The following LMOD1 variants were observed in gnomAD, a reference collection of about 807,000 sequenced individuals.
The protein encoded by LMOD1 is leiomodin 1.
LMOD1 carries 8 observed loss-of-function variants against 36.5 expected under a neutral mutation model. That is an observed-to-expected ratio of 0.22 (90% CI 0.13 to 0.40). The LOEUF (loss-of-function observed/expected upper bound fraction) is 0.40. Among genes scored for constraint, LMOD1 ranks in the 10% least tolerant of loss-of-function variants. The pLI is 1.00. For missense variants in LMOD1, 630 were observed against 751.1 expected (o/e 0.84, Z 1.88); for synonymous variants, 284 against 288.7 (o/e 0.98, Z 0.17).
At chr1:201,915,153 G>C (rs190441318) in intron 1 of LMOD1, among the ~76,000 whole-genome samples, 1 of 152,090 alleles carries the variant, frequency 6.6e-6, no homozygotes, top group Non-Finnish European at 1.5e-5. Flanking sequence ...CCTTCAAAAC[G>C]CTTCCCCATC....
intron 1 of LMOD1, among the ~76,000 whole-genome samples, chr1:201,921,724 G>A (rs1257484699): frequency 6.6e-6 from 1 of 151,888 alleles, no homozygotes; most frequent in Non-Finnish European, 1.5e-5. Context: ...ACTTTGGGAG[G>A]CTGAGGCGGG....
In LMOD1 at chr1:201,928,922, T is replaced by C. The variant is rs1401273507; in HGVS notation, c.261+17158A>G. On this transcript the variant is annotated intron_variant, in intron 1 of 2. Transcript: ENST00000367288. ...TAGTAGAGACGGGGTTTTGCCATGT[T>C]GTCCAAGCTTGTCTTGAACTCCTGA... 3.3e-5 allele frequency among the ~76,000 whole-genome samples: 5 copies of C among 152,198 alleles called. No homozygotes were observed. In the East Asian group the frequency reaches 9.7e-4, roughly 29 times the overall value.
intron 1 of LMOD1, among the ~76,000 whole-genome samples, chr1:201,906,124 C>G (rs186626904): frequency 1.3e-5 from 2 of 152,252 alleles, no homozygotes; most frequent in East Asian, 3.9e-4. Context: ...TTTTCTAGGC[C>G]TTGGCTAAAG....
intron 1 of LMOD1, among the ~76,000 whole-genome samples, chr1:201,922,292 T>A (rs1214379469): frequency 6.6e-6 from 1 of 152,122 alleles, no homozygotes. Context: ...TCCACACAAA[T>A]GTTCACAGCA....
chr1:201,918,202 G>A (rs561375151), intron 1 of LMOD1, among the ~76,000 whole-genome samples: 3 of 152,196 alleles, frequency 2.0e-5, no homozygotes, highest in African/African-American at 4.8e-5. Context: ...CAGCCTTGAC[G>A]CTTCCTTTTT....
chr1:201,899,068 G>T lies in LMOD1; in HGVS notation c.1776+169C>A. 1.7e-6 allele frequency: 1 copy of T among 595,912 alleles called. No homozygotes were observed. Among genetic ancestry groups the T allele is most frequent in the Non-Finnish European group, 2.9e-6 (1 of 345,618 alleles). 36.9% of individuals were successfully genotyped at this position (595,912 alleles called of 1,614,324 possible). On this transcript the variant is annotated intron_variant, in intron 2 of 2. Coordinates refer to ENST00000367288, the MANE Select transcript of LMOD1 (RefSeq NM_012134.3). The surrounding 1 kb of genome is among the most constrained non-coding windows in gnomAD (Gnocchi z 6.3). ...GGGGATATACAGGTGTGACCTGCCTGCAGGCAGGAGGATGCATGAGATGAC... is the reference window on the plus strand; with the variant it reads ...GGGGATATACAGGTGTGACCTGCCTTCAGGCAGGAGGATGCATGAGATGAC...
intron 1 of LMOD1, among the ~76,000 whole-genome samples, chr1:201,938,118 G>A (rs1428658227): frequency 3.3e-5 from 5 of 150,750 alleles, no homozygotes; most frequent in Admixed American, 6.7e-5. Context: ...CTATGACTAA[G>A]CATTGTAATT....
At chr1:201,924,711 AAGAAAGAAAGAAAGAAAG>A (rs1198784128) in intron 1 of LMOD1, among the ~76,000 whole-genome samples, 1 of 102,960 alleles carries the variant, frequency 9.7e-6, no homozygotes, top group East Asian at 4.6e-4. Context: ...GAAAGAAAGA[AAGAAAGAAAGAAAGAAAG>A]AAAAGAAAGA....
At chr1:201,917,294 C>T (rs1334315835) in intron 1 of LMOD1, among the ~76,000 whole-genome samples, 2 of 152,208 alleles carry the variant, frequency 1.3e-5, no homozygotes, top group Non-Finnish European at 2.9e-5. Context: ...AAGGAAGGCA[C>T]GGTGAGCGGT....
chr1:201,899,376 A>T lies in LMOD1; in HGVS notation c.1637T>A (p.Ile546Asn). 6.6e-7 allele frequency: 1 copy of T among 1,524,618 alleles called. No homozygotes were observed. Among genetic ancestry groups the T allele is most frequent in the Non-Finnish European group, 9.1e-7 (1 of 1,102,708 alleles). The allele number at this position is 1,524,618 out of a possible 1,614,324, so 94.4% of individuals were successfully genotyped here. The change falls in exon 2 of 3, where the codon ATC becomes AAC. Residue 546 changes from isoleucine (I) to asparagine (N), a missense_variant. Around this residue, in one of 3 missense-constraint regions of LMOD1, gnomAD observed 144 missense variants for 169.8 expected, o/e 0.85. Coordinates refer to ENST00000367288, the MANE Select transcript of LMOD1 (RefSeq NM_012134.3). The surrounding 1 kb of genome is among the most constrained non-coding windows in gnomAD (Gnocchi z 6.3). ...GAGTGAATTCTTCAGGTTCTCCATG[A>T]TAAGGGGTGGAGCCAAGGGAGGGGG... ...PPPPPLAPPL[I>N]MENLKNSLSP...
At position 201,940,294 on chromosome 1, in the gene LMOD1, C is replaced by T. The variant is rs1247479147; in HGVS notation, c.261+5786G>A. On this transcript the variant is annotated intron_variant, in intron 1 of 2. Coordinates refer to ENST00000367288, the MANE Select transcript of LMOD1 (RefSeq NM_012134.3). Reference sequence around the variant, plus strand: ...CTCCATCTCCTGGGTTCAAGGGATTCTCCTGCCTCAGCCTCCCGAGCAGCT... The same window carrying T: ...CTCCATCTCCTGGGTTCAAGGGATTTTCCTGCCTCAGCCTCCCGAGCAGCT... 2.7e-5 allele frequency among the ~76,000 whole-genome samples: 4 copies of T among 147,650 alleles called. No homozygotes were observed. The East Asian group carries it at 6.2e-4, about 23-fold the overall frequency.
intron 1 of LMOD1, among the ~76,000 whole-genome samples, chr1:201,932,470 G>A (rs1312053739): frequency 1.3e-5 from 2 of 152,018 alleles, no homozygotes; most frequent in African/African-American, 2.4e-5. Flanking sequence ...AGAAACGATG[G>A]GCCGGGAGTG....
At chr1:201,904,585 C>A (rs1681383350) in intron 1 of LMOD1, among the ~76,000 whole-genome samples, 1 of 152,196 alleles carries the variant, frequency 6.6e-6, no homozygotes, top group African/African-American at 2.4e-5. Context: ...GACTACTCCC[C>A]ACTCCTTCCT....
At chr1:201,913,403 C>A (rs184680291) in intron 1 of LMOD1, among the ~76,000 whole-genome samples, 8 of 152,098 alleles carry the variant, frequency 5.3e-5, no homozygotes, top group Middle Eastern at 3.4e-3. Flanking sequence ...GTCACCAGCT[C>A]GAGACCAGCC....
intron 1 of LMOD1, among the ~76,000 whole-genome samples, chr1:201,941,466 C>T (rs1308992538): frequency 3.3e-5 from 5 of 152,312 alleles, no homozygotes; most frequent in African/African-American, 1.2e-4. Context: ...CAACAGGCCC[C>T]CGTCACCTCT....
intron 1 of LMOD1, among the ~76,000 whole-genome samples, chr1:201,919,980 G>A (rs1413851127): frequency 6.7e-6 from 1 of 148,686 alleles, no homozygotes; most frequent in African/African-American, 2.5e-5. Context: ...AAGAGCCCAG[G>A]ACTTCAAAGA....
chr1:201,907,805 G>A (rs377253789), intron 1 of LMOD1, among the ~76,000 whole-genome samples: 1 of 152,258 alleles, frequency 6.6e-6, no homozygotes, highest in Non-Finnish European at 1.5e-5. Context: ...ATCCTGCTGC[G>A]GGCCTTGCTC....
chr1:201,919,256 C>T (rs1681659944), intron 1 of LMOD1, among the ~76,000 whole-genome samples: 2 of 151,816 alleles, frequency 1.3e-5, no homozygotes, highest in African/African-American at 4.8e-5. Flanking sequence ...GTCCTTCACC[C>T]AGGCTGGAGT....
intron 1 of LMOD1, among the ~76,000 whole-genome samples, chr1:201,942,662 GTTTC>G (rs970882240): frequency 2.6e-5 from 4 of 151,474 alleles, no homozygotes; most frequent in African/African-American, 7.3e-5. Flanking sequence ...CCCAATGTTG[GTTTC>G]TTTCTTTCTT....
Sources: gnomAD v4.1 joint callset for allele counts (sites outside exome capture counted in the v4.1 genomes callset) on GRCh38, gnomAD v4.1.1 for gene constraint, gnomAD v4.1.1 regional missense constraint, Gnocchi (gnomAD v3.1) non-coding constraint, MANE v1.5 for transcripts, NCBI Gene and HGNC (gene_info 2026-07-23, HGNC 2026-07-21) for gene names.